RAI2: variants seen among roughly 807,000 people sequenced by gnomAD.
The protein encoded by RAI2 is retinoic acid induced 2, also known as retinoic acid-induced protein 2.
Under a neutral mutation model 15.3 loss-of-function variants are expected in RAI2, and 5 were observed. That is an observed-to-expected ratio of 0.33 (90% CI 0.17 to 0.69). The LOEUF (loss-of-function observed/expected upper bound fraction) is 0.69, where lower values mean the gene tolerates loss of function less well. Ranked by LOEUF, RAI2 falls within the 30% of genes least tolerant of loss-of-function variation. The pLI, the probability that RAI2 is intolerant of heterozygous loss-of-function variation, is 0.69. For synonymous variants in RAI2, 191 were observed against 184.0 expected (o/e 1.04, Z -0.31); for missense variants, 424 against 424.7 (o/e 1.00, Z 0.01).
chrX:17,818,217 C>T (rs781102651), intron 1 of RAI2, among the ~76,000 whole-genome samples: 25 of 112,537 alleles, frequency 2.2e-4, no homozygotes, highest in African/African-American at 7.7e-4. Flanking sequence ...CCCCCTAAAC[C>T]AAGGTTGATA....
intron 1 of RAI2, among the ~76,000 whole-genome samples, chrX:17,802,732 C>G (rs1278058912): frequency 1.8e-5 from 2 of 111,461 alleles, no homozygotes; most frequent in African/African-American, 6.5e-5. Flanking sequence ...GATCTGTGGC[C>G]TCTCCTAATA....
Position 17,849,216 on chromosome X carries a change from A to G in RAI2, c.-25+11882T>C, listed in dbSNP as rs185056076. ...GAAGAGAGATGTAAAGTCTGCAGAG[A>G]GCAGACAGACGGAATGGTGCGGTGA... On this transcript the variant is annotated intron_variant, in intron 1 of 1. Coordinates refer to ENST00000451717, the MANE Select transcript of RAI2 (RefSeq NM_021785.6). Among the ~76,000 whole-genome samples, 27 of 112,666 alleles carry G rather than the reference A, an allele frequency of 2.4e-4. 1 individual carries two copies. In the East Asian group the frequency reaches 6.4e-3, roughly 27 times the overall value.
At chrX:17,820,429 G>A (rs1042164099) in intron 1 of RAI2, among the ~76,000 whole-genome samples, 2 of 112,016 alleles carry the variant, frequency 1.8e-5, no homozygotes, top group Non-Finnish European at 3.8e-5. Flanking sequence ...CCTCCTCTGT[G>A]GGTCTCTGGG....
chrX:17,809,043 A>G (rs772072377), intron 1 of RAI2, among the ~76,000 whole-genome samples: 2 of 112,352 alleles, frequency 1.8e-5, no homozygotes, highest in South Asian at 7.3e-4. Flanking sequence ...TAAGCTTTAA[A>G]CATCAGTACA....
chrX:17,842,114 T>C (rs1022332047), intron 1 of RAI2, among the ~76,000 whole-genome samples: 4 of 111,886 alleles, frequency 3.6e-5, no homozygotes, highest in Non-Finnish European at 7.5e-5. Context: ...ACAGTTGGCA[T>C]CTCTGAGGCC....
chrX:17,839,803 C>A (rs1601929007), intron 1 of RAI2, among the ~76,000 whole-genome samples: 3 of 112,502 alleles, frequency 2.7e-5, no homozygotes, highest in East Asian at 5.6e-4. Flanking sequence ...ATTATTACAC[C>A]AAATATTACC....
intron 1 of RAI2, among the ~76,000 whole-genome samples, chrX:17,811,898 C>T (rs2067053676): frequency 9.0e-6 from 1 of 110,500 alleles, no homozygotes; most frequent in Non-Finnish European, 1.9e-5. Context: ...AAGTTCTCAG[C>T]CTCAGTTTCT....
intron 1 of RAI2, among the ~76,000 whole-genome samples, chrX:17,806,448 A>T (rs1279552294): frequency 8.9e-6 from 1 of 112,084 alleles, no homozygotes; most frequent in African/African-American, 3.2e-5. Flanking sequence ...AGGTCAGTAA[A>T]CAGTGGCAGT....
intron 1 of RAI2, among the ~76,000 whole-genome samples, chrX:17,816,600 C>G (rs1412210564): frequency 8.9e-6 from 1 of 112,197 alleles, no homozygotes; most frequent in Non-Finnish European, 1.9e-5. Flanking sequence ...CTGCAGCTAG[C>G]GAATATTGGC....
chrX:17,804,925 G>C (rs2066960110), intron 1 of RAI2, among the ~76,000 whole-genome samples: 1 of 112,916 alleles, frequency 8.9e-6, no homozygotes, highest in East Asian at 2.8e-4. Flanking sequence ...AGTGAAAAGA[G>C]GACTTTGCCA....
chrX:17,833,464 G>A (rs746307192), intron 1 of RAI2, among the ~76,000 whole-genome samples: 1 of 111,953 alleles, frequency 8.9e-6, no homozygotes, highest in Non-Finnish European at 1.9e-5. Context: ...GAAGGTTGCA[G>A]TAAGCTGAGA....
At chrX:17,811,925 TAAAA>T (rs371540415) in intron 1 of RAI2, among the ~76,000 whole-genome samples, 1 of 105,249 alleles carries the variant, frequency 9.5e-6, no homozygotes, top group Admixed American at 1.0e-4. Context: ...GTAAAATGAT[TAAAA>T]AAAAAAACCT....
chrX:17,825,642 C>A (rs1280698445), intron 1 of RAI2, among the ~76,000 whole-genome samples: 1 of 112,430 alleles, frequency 8.9e-6, no homozygotes, highest in Admixed American at 9.4e-5. Flanking sequence ...GGGAAATCAT[C>A]AAGGGGGTTG....
Position 17,801,852 on chromosome X carries a change from CACGGTCACCAGGGCCTTCTTT to C in RAI2, c.138_158del (p.Lys47_Val53del). 8.3e-7 allele frequency: 1 copy of C among 1,210,954 alleles called. No homozygotes were observed. The highest frequency in any genetic ancestry group is 1.1e-6 in the Non-Finnish European group (1 of 895,287). On this transcript the variant is annotated inframe_deletion, in exon 2 of 2. Transcript: ENST00000451717. The stretch of plus-strand genomic sequence containing the variant: ...GGGGGTTCAGAATGGATGGGGCTGG[CACGGTCACCAGGGCCTTCTTT>C]ACCAGGTCAGTGGAGTTGATGTTCC...
chrX:17,830,795 A>C (rs1021502562), intron 1 of RAI2, among the ~76,000 whole-genome samples: 17 of 111,760 alleles, frequency 1.5e-4, no homozygotes, highest in African/African-American at 5.5e-4. Flanking sequence ...AAAAAGCTGC[A>C]TAATAGTTGG....
At chrX:17,803,064 TC>T (rs1457222079) in intron 1 of RAI2, among the ~76,000 whole-genome samples, 1 of 111,419 alleles carries the variant, frequency 9.0e-6, no homozygotes, top group African/African-American at 3.3e-5. Flanking sequence ...AATTCAATAA[TC>T]CTCAGTTTCA....
chrX:17,821,110 G>A (rs905281761), intron 1 of RAI2, among the ~76,000 whole-genome samples: 1 of 111,834 alleles, frequency 8.9e-6, no homozygotes, highest in Admixed American at 9.5e-5. Context: ...GATCCGAAGT[G>A]TACCGAATTT....
intron 1 of RAI2, among the ~76,000 whole-genome samples, chrX:17,808,695 T>G (rs192071823): frequency 9.1e-6 from 1 of 109,401 alleles, no homozygotes; most frequent in East Asian, 2.9e-4. Context: ...GAGATGGCTC[T>G]CCCTCTTGCA....
At chrX:17,845,909 C>G (rs764241624) in intron 1 of RAI2, among the ~76,000 whole-genome samples, 1 of 112,214 alleles carries the variant, frequency 8.9e-6, no homozygotes, top group African/African-American at 3.2e-5. Flanking sequence ...GTCCCAGATT[C>G]CAGCAGGACT....
Sources: gnomAD v4.1 joint callset for allele counts (sites outside exome capture counted in the v4.1 genomes callset) on GRCh38, gnomAD v4.1.1 for gene constraint, MANE v1.5 for transcripts, NCBI Gene and HGNC (gene_info 2026-07-23, HGNC 2026-07-21) for gene names.